ZNF398: variants seen among roughly 807,000 people sequenced by gnomAD.
ZNF398 encodes zinc finger DNA binding protein ZER6.
Under a neutral mutation model 41.9 loss-of-function variants are expected in ZNF398, and 18 were observed. That is an observed-to-expected ratio of 0.43 (90% CI 0.30 to 0.64). The LOEUF (loss-of-function observed/expected upper bound fraction) is 0.64. Among genes scored for constraint, ZNF398 ranks in the 30% least tolerant of loss-of-function variants. The pLI, the probability that ZNF398 is intolerant of heterozygous loss-of-function variation, is 0.14. For missense variants in ZNF398, 669 were observed against 822.8 expected, an observed-to-expected ratio of 0.81 and a Z score of 2.29; for synonymous variants, 260 against 308.8, an observed-to-expected ratio of 0.84 and a Z score of 1.66.
At chr7:149,175,145 G>C (rs1795435566) in intron 4 of ZNF398, among the ~76,000 whole-genome samples, 1 of 152,110 alleles carries the variant, frequency 6.6e-6, no homozygotes, top group Non-Finnish European at 1.5e-5. Flanking sequence ...TTTCTGCTTT[G>C]AGAACACCTT....
At chr7:149,149,359 G>A (rs1429747726) in intron 1 of ZNF398, among the ~76,000 whole-genome samples, 2 of 151,922 alleles carry the variant, frequency 1.3e-5, no homozygotes, top group African/African-American at 4.8e-5. Flanking sequence ...TCAGCCTCCC[G>A]AGTAGCTGGG....
chr7:149,134,264 A>C (rs1826667240), intron 2 of ZNF398, among the ~76,000 whole-genome samples: 2 of 151,030 alleles, frequency 1.3e-5, no homozygotes, highest in African/African-American at 4.9e-5. Context: ...TTGGATTTTT[A>C]GTAGAGACGG....
Position 149,160,301 on chromosome 7 carries a change from G to T in ZNF398, c.421-5857G>T, listed in dbSNP as rs538190273. On this transcript the variant is annotated intron_variant, in intron 2 of 5. Transcript: ENST00000475153. ...AAAAAAGTAGCCAGATGTGGTGGTG[G>T]GGGCCTGTAGTCCCAGCTACTTGGG... Among the ~76,000 whole-genome samples the T allele has an allele frequency of 8.5e-5, 13 of 152,110 alleles. No homozygotes were observed. The East Asian group carries it at 9.7e-4, about 11-fold the overall frequency.
chr7:149,162,962 C>T (rs1446542523), intron 2 of ZNF398, among the ~76,000 whole-genome samples: 4 of 151,762 alleles, frequency 2.6e-5, no homozygotes, highest in African/African-American at 4.8e-5. Flanking sequence ...GGCAACAGAG[C>T]GAGAGTCTGT....
intron 2 of ZNF398, among the ~76,000 whole-genome samples, chr7:149,156,453 C>G (rs1057249775): frequency 7.8e-6 from 1 of 128,870 alleles, no homozygotes; most frequent in Non-Finnish European, 1.6e-5. Flanking sequence ...TGCAGTGAGC[C>G]GAGATCACGC....
At chr7:149,132,541 A>G (rs550741718) in intron 2 of ZNF398, among the ~76,000 whole-genome samples, 19 of 152,034 alleles carry the variant, frequency 1.2e-4, no homozygotes, top group South Asian at 4.2e-4. Context: ...CCCGTATGGG[A>G]CCTCTAGACC....
chr7:149,140,961 G>A lies in ZNF398; in HGVS notation c.-490+12017G>A, dbSNP rs562377330. Reference sequence around the variant, plus strand: ...AGGCTGAGACGGGAGAATTGCTTAAGCCAAGGAGGTCAAGGCTGCAGTGAG... The same window carrying A: ...AGGCTGAGACGGGAGAATTGCTTAAACCAAGGAGGTCAAGGCTGCAGTGAG... On this transcript the variant is annotated intron_variant, in intron 2 of 6. Transcript: ENST00000426851. Among the ~76,000 whole-genome samples, 3 of 149,502 alleles carry A rather than the reference G, an allele frequency of 2.0e-5. No homozygotes were observed. The South Asian group carries it at 6.3e-4, about 31-fold the overall frequency.
At chr7:149,173,024 T>C (rs548027372) in intron 4 of ZNF398, among the ~76,000 whole-genome samples, 1 of 151,252 alleles carries the variant, frequency 6.6e-6, no homozygotes, top group Non-Finnish European at 1.5e-5. Flanking sequence ...GGGTCTTGCC[T>C]CAGTATTGAT....
In ZNF398 at chr7:149,133,678, T is replaced by TATATATATATACACAC. The variant is rs1483673161; in HGVS notation, c.-490+4735_-490+4736insTATATATATACACACA. Among the ~76,000 whole-genome samples the TATATATATATACACAC allele has an allele frequency of 2.2e-3, 145 of 66,988 alleles. 1 individual carries two copies. Among genetic ancestry groups the TATATATATATACACAC allele is most frequent in the African/African-American group, 8.4e-3 (138 of 16,424 alleles). 43.9% of individuals were successfully genotyped at this position (66,988 alleles called of 152,430 possible). On this transcript the variant is annotated intron_variant, in intron 2 of 6. Coordinates refer to the ZNF398 transcript ENST00000426851. The stretch of plus-strand genomic sequence containing the variant: ...AAATATATATATATATATATATATA[T>TATATATATATACACAC]ACATATATATGTGTGTATATATATA...
intron 2 of ZNF398, among the ~76,000 whole-genome samples, chr7:149,135,605 C>T (rs1247712746): frequency 2.0e-5 from 3 of 151,748 alleles, no homozygotes; most frequent in Non-Finnish European, 4.4e-5. Context: ...AGATATCACA[C>T]CTGGAGAACT....
intron 2 of ZNF398, among the ~76,000 whole-genome samples, chr7:149,135,600 T>A (rs1480426263): frequency 1.3e-5 from 2 of 151,854 alleles, no homozygotes; most frequent in Non-Finnish European, 2.9e-5. Flanking sequence ...ATCCCAGATA[T>A]CACACCTGGA....
intron 2 of ZNF398, among the ~76,000 whole-genome samples, chr7:149,159,891 A>C (rs572633743): frequency 6.6e-6 from 1 of 151,696 alleles, no homozygotes; most frequent in East Asian, 2.0e-4. Context: ...ATGCCTGGCT[A>C]ATTTTTGTAT....
Position 149,179,227 on chromosome 7 carries a change from A to C in ZNF398, c.1355A>C (p.Glu452Ala). ...AGCCACCGGAGAGCTCATGCAAGCG[A>C]AAGGCCCTTCCGCTGTGCCCAGTGC... ...LTSHRRAHASERPFRCAQCGR... is the reference protein window; with the variant it reads ...LTSHRRAHASARPFRCAQCGR... Residue 452 changes from glutamate to alanine, a missense_variant, in exon 6 of 6, where the codon GAA becomes GCA. Coordinates refer to ENST00000475153, the MANE Select transcript of ZNF398 (RefSeq NM_170686.3). The surrounding 1 kb of genome is among the most constrained non-coding windows in gnomAD (Gnocchi z 6.1). The C allele has an allele frequency of 6.2e-7, 1 of 1,613,394 alleles. No homozygotes were observed. Among genetic ancestry groups the C allele is most frequent in the Non-Finnish European group, 8.5e-7 (1 of 1,180,000 alleles).
At chr7:149,164,699 G>A (rs1000103072) in intron 2 of ZNF398, among the ~76,000 whole-genome samples, 2 of 152,174 alleles carry the variant, frequency 1.3e-5, no homozygotes, top group Non-Finnish European at 2.9e-5. Flanking sequence ...AAGACTTCTG[G>A]CATTACAGGA....
chr7:149,157,854 AAAG>A (rs2129520648), intron 2 of ZNF398, among the ~76,000 whole-genome samples: 1 of 150,822 alleles, frequency 6.6e-6, no homozygotes, highest in African/African-American at 2.4e-5. Flanking sequence ...AAAAAAAAAA[AAAG>A]AGTCCAGGAC....
chr7:149,146,464 G>C (rs1344696496), upstream of ZNF398, among the ~76,000 whole-genome samples: 1 of 152,154 alleles, frequency 6.6e-6, no homozygotes, highest in Non-Finnish European at 1.5e-5. Flanking sequence ...GGGAAGGATC[G>C]TTTGAGCCCA....
At chr7:149,137,869 C>T (rs1457463180) in intron 2 of ZNF398, among the ~76,000 whole-genome samples, 1 of 152,072 alleles carries the variant, frequency 6.6e-6, no homozygotes, top group East Asian at 1.9e-4. Context: ...CGGAAGCATC[C>T]ATAAGATGAA....
intron 2 of ZNF398, among the ~76,000 whole-genome samples, chr7:149,159,086 C>A (rs887335653): frequency 2.7e-5 from 4 of 150,574 alleles, no homozygotes; most frequent in Non-Finnish European, 5.9e-5. Context: ...TCAAACGATT[C>A]TCCTGCCTCA....
chr7:149,141,478 G>A (rs188277558), intron 2 of ZNF398, among the ~76,000 whole-genome samples: 7 of 113,112 alleles, frequency 6.2e-5, no homozygotes, highest in East Asian at 3.7e-4. Context: ...TTTTTGAGAC[G>A]GAGTCTCACT....
Sources: allele counts gnomAD v4.1 joint callset (sites outside exome capture counted in the v4.1 genomes callset), GRCh38; gene constraint gnomAD v4.1.1; non-coding constraint Gnocchi (gnomAD v3.1); transcripts MANE v1.5; gene names NCBI Gene and HGNC (gene_info 2026-07-23, HGNC 2026-07-21).